The following WDR47 variants were observed in gnomAD, a reference collection of about 807,000 sequenced individuals.
The protein encoded by WDR47 is WD repeat domain 47, also known as WD repeat-containing protein 47.
WDR47 carries 32 observed loss-of-function variants against 97.2 expected under a neutral mutation model. The observed-to-expected ratio is 0.33, with a 90% CI of 0.25 to 0.44. The LOEUF is 0.44. WDR47 is among the 20% of genes least tolerant of loss of function. WDR47 has a pLI of 1.00. For missense variants in WDR47, 782 were observed against 1,102.3 expected, an observed-to-expected ratio of 0.71 and a Z score of 4.11; for synonymous variants, 375 against 373.5, an observed-to-expected ratio of 1.00 and a Z score of -0.05.
intron 2 of WDR47, among the ~76,000 whole-genome samples, chr1:109,019,397 A>AC: frequency 6.6e-6 from 1 of 150,914 alleles, no homozygotes; most frequent in East Asian, 2.0e-4. Context: ...AAAAAAAAAA[A>AC]AAAAGCTGGG....
chr1:108,983,963 C>A (rs1287654718), intron 10 of WDR47, among the ~76,000 whole-genome samples: 1 of 152,094 alleles, frequency 6.6e-6, no homozygotes, highest in Admixed American at 6.6e-5. Flanking sequence ...GTTACATAGT[C>A]CAGTATAAAG....
At chr1:108,992,397 T>A in intron 8 of WDR47, 1 of 1,588,478 alleles carries the variant, frequency 6.3e-7, no homozygotes, top group Non-Finnish European at 8.6e-7. Flanking sequence ...ATCAAGGGTA[T>A]GCATATACGA....
At chr1:109,029,671 C>CAAAATAAA (rs1219433668) in intron 1 of WDR47, among the ~76,000 whole-genome samples, 3,020 of 140,658 alleles carry the variant, frequency 0.021, 133 homozygotes, top group African/African-American at 0.077. Context: ...GACTCTGTCT[C>CAAAATAAA]TAAATAAATA....
At position 108,995,698 on chromosome 1, in the gene WDR47, G is replaced by C. The variant is rs1312656232; in HGVS notation, c.1573C>G (p.Gln525Glu). The C allele has an allele frequency of 5.0e-6, 8 of 1,613,998 alleles. No individual in the cohort carries two copies. The Admixed American group carries it at 5.0e-5, about 10-fold the overall frequency. The change falls in exon 8 of 15, where the codon CAA becomes GAA. Residue 525 changes from glutamine (Q) to glutamate (E), a missense_variant. Physicochemically the swap from Gln to Glu is conservative, Grantham distance 29. Transcript: ENST00000369962. ...TGTGTTAATCTCTGACTAGAGTCTT[G>C]GGGTGGTGTAGTAAAACTAGTCACA... ...SSVTSFTTPP[Q>E]DSSQRLTHDA...
chr1:108,979,375 G>A (rs962699563), intron 13 of WDR47, among the ~76,000 whole-genome samples: 4 of 152,140 alleles, frequency 2.6e-5, no homozygotes, highest in Admixed American at 2.6e-4. Context: ...AAAAGATGCA[G>A]AGGGGCTGGG....
chr1:108,981,939 A>G (rs939661690), intron 12 of WDR47, 75 bp from the exon 13 acceptor site: 30 of 1,501,878 alleles, frequency 2.0e-5, no homozygotes, highest in East Asian at 7.2e-5. Context: ...TAAGCACTCT[A>G]GAGTTGGGCA....
chr1:109,027,528 C>CT (rs200416217), intron 1 of WDR47, among the ~76,000 whole-genome samples: 2 of 151,218 alleles, frequency 1.3e-5, no homozygotes, highest in Non-Finnish European at 3.0e-5. Flanking sequence ...ATACTGCATA[C>CT]TTTTTTTTTC....
intron 7 of WDR47, among the ~76,000 whole-genome samples, chr1:108,999,516 C>T (rs1660017618): frequency 6.6e-6 from 1 of 151,674 alleles, no homozygotes; most frequent in South Asian, 2.1e-4. Flanking sequence ...TCAGTCTAGG[C>T]AACATGGTGA....
intron 4 of WDR47, 138 bp downstream of exon 4, chr1:109,013,703 G>T: frequency 1.2e-6 from 1 of 805,516 alleles, no homozygotes; most frequent in Non-Finnish European, 2.0e-6. Context: ...TACTACACCT[G>T]GAAAACACCA....
intron 8 of WDR47, among the ~76,000 whole-genome samples, chr1:108,993,318 A>G (rs952424469): frequency 2.0e-5 from 3 of 149,988 alleles, no homozygotes; most frequent in African/African-American, 7.3e-5. Flanking sequence ...AAAGTGAGAC[A>G]CTGTCTCAAA....
intron 10 of WDR47, among the ~76,000 whole-genome samples, chr1:108,983,800 A>G (rs1193078395): frequency 2.0e-5 from 3 of 152,208 alleles, no homozygotes; most frequent in African/African-American, 4.8e-5. Flanking sequence ...AAAAAATGCA[A>G]TAAGCATGTA....
chr1:109,015,598 G>A (rs1661356343), intron 3 of WDR47, among the ~76,000 whole-genome samples: 1 of 151,932 alleles, frequency 6.6e-6, no homozygotes, highest in Non-Finnish European at 1.5e-5. Context: ...AAAGTGCTGG[G>A]ATTACAGGCG....
Position 108,971,350 on chromosome 1 carries a change from T to G in WDR47, c.*80A>C. On this transcript the variant is annotated 3_prime_UTR_variant, in exon 15 of 15. Coordinates refer to ENST00000369962, the MANE Select transcript of WDR47 (RefSeq NM_001142551.2). The stretch of plus-strand genomic sequence containing the variant: ...CTAAACCACTTTCCTGGACACTATG[T>G]TCTTCAGATTTGTAATTTTCACAAC... 1 of 1,577,282 alleles carries G rather than the reference T, an allele frequency of 6.3e-7. No homozygotes were observed.
intron 13 of WDR47, among the ~76,000 whole-genome samples, chr1:108,976,354 T>G (rs1657891291): frequency 7.3e-6 from 1 of 137,522 alleles, no homozygotes; most frequent in African/African-American, 2.8e-5. Flanking sequence ...AGAACCATTA[T>G]CAAAACTAGG....
chr1:108,992,853 A>G, intron 8 of WDR47: 3 of 1,360,110 alleles, frequency 2.2e-6, no homozygotes, highest in Non-Finnish European at 3.1e-6. Context: ...CATTAAAATA[A>G]ATGTAATTAA....
At chr1:109,015,981 TCA>T (rs767047049) in intron 3 of WDR47, among the ~76,000 whole-genome samples, 2 of 18,500 alleles carry the variant, frequency 1.1e-4, no homozygotes, top group African/African-American at 1.6e-4. Context: ...AGACTCCATC[TCA>T]AAAAAAAAAA....
chr1:108,996,619 T>C (rs933670606), intron 7 of WDR47, among the ~76,000 whole-genome samples: 3 of 152,198 alleles, frequency 2.0e-5, no homozygotes, highest in Non-Finnish European at 4.4e-5. Flanking sequence ...ATACTCCACA[T>C]GTACTTATTC....
At chr1:109,030,046 C>A (rs930861283) in intron 1 of WDR47, 2 of 474,062 alleles carry the variant, frequency 4.2e-6, no homozygotes, top group Non-Finnish European at 7.2e-6. Context: ...CTGGCAGTGA[C>A]GACCTACCCA....
chr1:109,010,000 A>AAAAAAAAC (rs755817168), intron 5 of WDR47, among the ~76,000 whole-genome samples: 3 of 151,780 alleles, frequency 2.0e-5, no homozygotes, highest in Non-Finnish European at 4.4e-5. Context: ...CTCCATCTCA[A>AAAAAAAAC]AAAAAAACAA....
Sources: allele counts gnomAD v4.1 joint callset (sites outside exome capture counted in the v4.1 genomes callset), GRCh38; gene constraint gnomAD v4.1.1; transcripts MANE v1.5; gene names NCBI Gene and HGNC (gene_info 2026-07-23, HGNC 2026-07-21).